Variants in IGF1R observed in about 807,000 individuals in gnomAD.
The protein encoded by IGF1R is insulin-like growth factor 1 receptor.
A neutral mutation model predicts 144.6 loss-of-function variants in IGF1R; 44 were observed. That is an observed-to-expected ratio of 0.30 (90% CI 0.24 to 0.39). The LOEUF (loss-of-function observed/expected upper bound fraction) is 0.39. IGF1R is among the 10% of genes least tolerant of loss of function. The pLI is 1.00. For missense variants in IGF1R, 1,355 were observed against 1,833.7 expected, an observed-to-expected ratio of 0.74 and a Z score of 4.77; for synonymous variants, 795 against 722.8, an observed-to-expected ratio of 1.10 and a Z score of -1.60.
chr15:98,813,041 C>T (rs183944535), intron 2 of IGF1R, among the ~76,000 whole-genome samples: 408 of 152,302 alleles, frequency 2.7e-3, no homozygotes, highest in African/African-American at 7.7e-3. Context: ...TCGTCATCCC[C>T]CTTGGCTGGG....
intron 2 of IGF1R, among the ~76,000 whole-genome samples, chr15:98,870,454 T>A (rs1008665808): frequency 2.0e-5 from 3 of 152,070 alleles, no homozygotes; most frequent in Admixed American, 6.5e-5. Flanking sequence ...CATTAAGGCA[T>A]CTCTAGGCAG....
chr15:98,859,096 C>A (rs962337646), intron 2 of IGF1R, among the ~76,000 whole-genome samples: 8 of 151,764 alleles, frequency 5.3e-5, no homozygotes, highest in Non-Finnish European at 1.0e-4. Context: ...AAAAAAAAGT[C>A]CAAACTTTTT....
At chr15:98,757,547 G>A (rs1446204853) in intron 2 of IGF1R, among the ~76,000 whole-genome samples, 1 of 152,020 alleles carries the variant, frequency 6.6e-6, no homozygotes, top group Non-Finnish European at 1.5e-5. Flanking sequence ...GCATCAATAT[G>A]TGTAATTTTT....
intron 1 of IGF1R, among the ~76,000 whole-genome samples, chr15:98,679,064 A>T (rs575665220): frequency 2.6e-5 from 4 of 151,514 alleles, no homozygotes; most frequent in African/African-American, 9.7e-5. Context: ...TGGGACCCAT[A>T]CCTGGCTAAT....
rs75591718 is a variant in IGF1R at position 98,753,885 on chromosome 15, A to G, written c.640+45778A>G. Among the ~76,000 whole-genome samples, 570 of 152,276 alleles carry G rather than the reference A, an allele frequency of 3.7e-3. 7 individuals are homozygous for G. The highest frequency in any genetic ancestry group is 0.013 in the African/African-American group (525 of 41,550). On this transcript the variant is annotated intron_variant, in intron 2 of 20. Transcript: ENST00000650285. ...AAGGATACTTTCAGTTTAAGCTGAGATGCTTTTTCCTTTTCACTCTTGAAA... is the reference window on the plus strand; with the variant it reads ...AAGGATACTTTCAGTTTAAGCTGAGGTGCTTTTTCCTTTTCACTCTTGAAA...
intron 2 of IGF1R, among the ~76,000 whole-genome samples, chr15:98,800,726 A>G (rs1172971421): frequency 6.6e-6 from 1 of 152,190 alleles, no homozygotes; most frequent in Non-Finnish European, 1.5e-5. Context: ...TGTCTGTTTC[A>G]ATTGTTTCCC....
chr15:98,838,753 G>T (rs762008692), intron 2 of IGF1R, among the ~76,000 whole-genome samples: 6 of 152,170 alleles, frequency 3.9e-5, no homozygotes, highest in African/African-American at 9.7e-5. Flanking sequence ...ATAAGCCCGT[G>T]GCCAAAAGGC....
chr15:98,792,789 A>C (rs1466012384), intron 2 of IGF1R, among the ~76,000 whole-genome samples: 1 of 152,124 alleles, frequency 6.6e-6, no homozygotes, highest in Non-Finnish European at 1.5e-5. Context: ...TTTTGTACTG[A>C]TACTCTGTGC....
At chr15:98,693,181 T>G (rs953500112) in intron 1 of IGF1R, among the ~76,000 whole-genome samples, 2 of 152,176 alleles carry the variant, frequency 1.3e-5, no homozygotes, top group Non-Finnish European at 2.9e-5. Flanking sequence ...TGCTGTGCTG[T>G]GGCTGGGAGA....
chr15:98,926,210 GC>G (rs2015711396), intron 13 of IGF1R, among the ~76,000 whole-genome samples: 3 of 152,146 alleles, frequency 2.0e-5, no homozygotes, highest in African/African-American at 7.2e-5. Flanking sequence ...AGTTAAATAA[GC>G]CAGACACAGA....
At chr15:98,897,200 A>G in intron 4 of IGF1R, 1 of 419,226 alleles carries the variant, frequency 2.4e-6, no homozygotes, top group Non-Finnish European at 4.4e-6. Flanking sequence ...ACACATACAA[A>G]CCCCAGAAGA....
intron 2 of IGF1R, among the ~76,000 whole-genome samples, chr15:98,760,076 A>T (rs1324080641): frequency 6.6e-6 from 1 of 152,090 alleles, no homozygotes; most frequent in Non-Finnish European, 1.5e-5. Context: ...GCGGTGGCTC[A>T]CGCCTGTAAT....
At chr15:98,791,444 C>T (rs1733719314) in intron 2 of IGF1R, among the ~76,000 whole-genome samples, 1 of 152,126 alleles carries the variant, frequency 6.6e-6, no homozygotes, top group Admixed American at 6.5e-5. Context: ...GATCTGTTCA[C>T]ATAGATTAAA....
At chr15:98,775,601 T>C (rs1024346816) in intron 2 of IGF1R, among the ~76,000 whole-genome samples, 1 of 152,214 alleles carries the variant, frequency 6.6e-6, no homozygotes, top group Non-Finnish European at 1.5e-5. Flanking sequence ...GGGAGGGGTC[T>C]TTGGCCACCT....
chr15:98,913,536 C>T (rs2151677771), intron 8 of IGF1R, among the ~76,000 whole-genome samples: 1 of 152,304 alleles, frequency 6.6e-6, no homozygotes, highest in South Asian at 2.1e-4. Context: ...GGGTGCTGGG[C>T]TGGTTTCATT....
At chr15:98,723,810 A>G (rs1334766414) in intron 2 of IGF1R, among the ~76,000 whole-genome samples, 1 of 152,216 alleles carries the variant, frequency 6.6e-6, no homozygotes, top group East Asian at 1.9e-4. Flanking sequence ...TATCTATATT[A>G]TGAAGGCATT....
chr15:98,959,068 TG>T lies in IGF1R; in HGVS notation c.*1627del. ...TTGGAGCCTGTTACAGTGCAAGACA[TG>T]ATACAAACTCAGGTCAGAAAAACAA... On this transcript the variant is annotated 3_prime_UTR_variant, in exon 21 of 21. Coordinates refer to ENST00000650285, the MANE Select transcript of IGF1R (RefSeq NM_000875.5). 1 of 233,232 alleles carries T rather than the reference TG, an allele frequency of 4.3e-6. No individual in the cohort carries two copies. The allele number at this position is 233,232 out of a possible 1,614,324, so 14.4% of individuals were successfully genotyped here.
rs2151719266 is a variant in IGF1R at position 98,943,070 on chromosome 15, G to A, written c.3587+18G>A. 2.5e-6 allele frequency: 4 copies of A among 1,614,004 alleles called. No individual in the cohort carries two copies. The highest frequency in any genetic ancestry group is 2.5e-6 in the Non-Finnish European group (3 of 1,179,894). ...GACGTCTGGTATGAGAACCTTTACT[G>A]CATTGCCAGCCTGGAGCCCCCAGCC... On this transcript the variant is annotated intron_variant, in intron 19 of 20. Transcript: ENST00000650285.
At chr15:98,658,205 C>T (rs1025795677) in intron 1 of IGF1R, among the ~76,000 whole-genome samples, 1 of 152,194 alleles carries the variant, frequency 6.6e-6, no homozygotes, top group African/African-American at 2.4e-5. Flanking sequence ...GTTTTTGCTT[C>T]TGCTGTTTCC....
Sources: gnomAD v4.1 joint callset for allele counts (sites outside exome capture counted in the v4.1 genomes callset) on GRCh38, gnomAD v4.1.1 for gene constraint, MANE v1.5 for transcripts, NCBI Gene and HGNC (gene_info 2026-07-23, HGNC 2026-07-21) for gene names.